RBPJ: variants seen among roughly 807,000 people sequenced by gnomAD.
RBPJ encodes recombining binding protein suppressor of hairless.
In RBPJ, 9 loss-of-function variants were observed where a neutral mutation model predicts 67.8. The observed-to-expected ratio is 0.13, with a 90% CI of 0.08 to 0.23. The LOEUF (loss-of-function observed/expected upper bound fraction) is 0.23. RBPJ is among the 10% of genes least tolerant of loss of function. The pLI, the probability that RBPJ is intolerant of heterozygous loss-of-function variation, is 1.00. For synonymous variants in RBPJ, 198 were observed against 203.3 expected, an observed-to-expected ratio of 0.97 and a Z score of 0.22; for missense variants, 305 against 595.6, an observed-to-expected ratio of 0.51 and a Z score of 5.08.
chr4:26,179,662 A>C (rs113540754), intron 1 of RBPJ, among the ~76,000 whole-genome samples: 14 of 152,298 alleles, frequency 9.2e-5, no homozygotes, highest in African/African-American at 3.1e-4. Context: ...AAAGTCAAAA[A>C]ATAACAGATG....
chr4:26,227,058 C>G (rs1719099150), intron 1 of RBPJ, among the ~76,000 whole-genome samples: 1 of 152,150 alleles, frequency 6.6e-6, no homozygotes, highest in South Asian at 2.1e-4. Flanking sequence ...TTGTCTCTGT[C>G]TCAAGGAAGT....
At chr4:26,222,147 T>C (rs1315479495) in intron 1 of RBPJ, among the ~76,000 whole-genome samples, 2 of 152,228 alleles carry the variant, frequency 1.3e-5, no homozygotes, top group Non-Finnish European at 2.9e-5. Context: ...CTCAGAAATG[T>C]TCTTGCCTTG....
At chr4:26,178,309 T>C (rs1716865551) in intron 1 of RBPJ, among the ~76,000 whole-genome samples, 1 of 152,154 alleles carries the variant, frequency 6.6e-6, no homozygotes, top group South Asian at 2.1e-4. Flanking sequence ...CCATGGCCCC[T>C]TATCAAATGG....
At chr4:26,290,288 A>C (rs1721623156) in intron 1 of RBPJ, among the ~76,000 whole-genome samples, 1 of 144,122 alleles carries the variant, frequency 6.9e-6, no homozygotes, top group African/African-American at 2.5e-5. Flanking sequence ...GCAGTGAGCT[A>C]TGATTGCACC....
intron 1 of RBPJ, among the ~76,000 whole-genome samples, chr4:26,238,174 A>T (rs970464499): frequency 2.6e-5 from 4 of 152,112 alleles, no homozygotes; most frequent in Non-Finnish European, 5.9e-5. Context: ...TAATCCTCCC[A>T]TCTCAGCTTC....
intron 1 of RBPJ, among the ~76,000 whole-genome samples, chr4:26,171,911 G>A (rs16878155): frequency 2.0e-5 from 3 of 152,198 alleles, no homozygotes; most frequent in African/African-American, 7.2e-5. Context: ...TGACTACACT[G>A]TTAGGTCCGT....
chr4:26,109,623 CCTCT>C, the RBPJ span, among the ~76,000 whole-genome samples: 1 of 20,784 alleles, frequency 4.8e-5, no homozygotes, highest in Admixed American at 6.2e-4. Context: ...TGTCCACCTT[CCTCT>C]CTCTCTCTCT....
chr4:26,421,090 C>T lies in RBPJ; in HGVS notation c.496+365C>T, dbSNP rs1293291605. On this transcript the variant is annotated intron_variant, in intron 5 of 10. Coordinates refer to ENST00000355476, the MANE Select transcript of RBPJ (RefSeq NM_015874.6). ...TCCCATTCCACAAAGAATTGATCTACCCACAATGTCAACAAGTACCCCTTT... is the reference window on the plus strand; with the variant it reads ...TCCCATTCCACAAAGAATTGATCTATCCACAATGTCAACAAGTACCCCTTT... Among the ~76,000 whole-genome samples, 77 of 152,084 alleles carry T rather than the reference C, an allele frequency of 5.1e-4. 2 individuals carry two copies. Among genetic ancestry groups the T allele is most frequent in the Admixed American group, 5.0e-3 (77 of 15,268 alleles).
upstream of RBPJ, among the ~76,000 whole-genome samples, chr4:26,318,515 A>C (rs993095276): frequency 1.3e-5 from 2 of 152,228 alleles, no homozygotes; most frequent in Non-Finnish European, 2.9e-5. Flanking sequence ...GGGAGGAAAA[A>C]ACAGAAACTG....
chr4:26,176,805 T>A (rs1716809460), intron 1 of RBPJ, among the ~76,000 whole-genome samples: 1 of 152,270 alleles, frequency 6.6e-6, no homozygotes. Flanking sequence ...CAGGCCTGTC[T>A]TGGCTGGACC....
intron 1 of RBPJ, among the ~76,000 whole-genome samples, chr4:26,218,221 G>A (rs747007677): frequency 2.6e-4 from 39 of 152,316 alleles, no homozygotes; most frequent in African/African-American, 8.4e-4. Flanking sequence ...CCCAGCTGTC[G>A]CCGGTGGGTA....
the RBPJ span, among the ~76,000 whole-genome samples, chr4:26,158,274 G>T: frequency 6.6e-6 from 1 of 152,230 alleles, no homozygotes; most frequent in African/African-American, 2.4e-5. Flanking sequence ...CATCAGGACA[G>T]TGTTCTAGGT....
At chr4:26,395,533 T>G (rs1240304722) in intron 2 of RBPJ, among the ~76,000 whole-genome samples, 1 of 152,186 alleles carries the variant, frequency 6.6e-6, no homozygotes, top group Non-Finnish European at 1.5e-5. Context: ...ACCCACTAAG[T>G]AGCATGTTGA....
the RBPJ span, among the ~76,000 whole-genome samples, chr4:26,128,642 A>G: frequency 1.3e-5 from 2 of 152,180 alleles, no homozygotes; most frequent in South Asian, 2.1e-4. Context: ...CACTATTCCA[A>G]ATTAGCCTAT....
chr4:26,210,700 T>TTTCCTTCTTTCTTTCCTTCTTTCC (rs1553849153), intron 1 of RBPJ, among the ~76,000 whole-genome samples: 2 of 59,850 alleles, frequency 3.3e-5, no homozygotes, highest in Non-Finnish European at 3.5e-5. Flanking sequence ...TCTTTCTTTC[T>TTTCCTTCTTTCTTTCCTTCTTTCC]TTCTTTCCTT....
chr4:26,267,394 T>C (rs972336109), intron 1 of RBPJ, among the ~76,000 whole-genome samples: 5 of 152,080 alleles, frequency 3.3e-5, no homozygotes, highest in African/African-American at 1.2e-4. Flanking sequence ...TCTGAGTATA[T>C]TTGACTAACT....
At chr4:26,187,324 T>C (rs1297963980) in intron 1 of RBPJ, among the ~76,000 whole-genome samples, 3 of 152,262 alleles carry the variant, frequency 2.0e-5, no homozygotes, top group East Asian at 1.9e-4. Flanking sequence ...TTTCTGTTTT[T>C]CTTCCCCCTC....
intron 1 of RBPJ, among the ~76,000 whole-genome samples, chr4:26,365,784 C>T (rs932871380): frequency 1.3e-5 from 2 of 152,172 alleles, no homozygotes; most frequent in Admixed American, 6.5e-5. Flanking sequence ...GTCCTCCTAC[C>T]ATCTTTTACT....
At chr4:26,250,143 T>C (rs1368031916) in intron 1 of RBPJ, among the ~76,000 whole-genome samples, 1 of 151,956 alleles carries the variant, frequency 6.6e-6, no homozygotes, top group Non-Finnish European at 1.5e-5. Flanking sequence ...CAATACTTCC[T>C]CATTCTCCCC....
Sources: gnomAD v4.1 joint callset for allele counts (sites outside exome capture counted in the v4.1 genomes callset) on GRCh38, gnomAD v4.1.1 for gene constraint, MANE v1.5 for transcripts, NCBI Gene and HGNC (gene_info 2026-07-23, HGNC 2026-07-21) for gene names.